NTM: variants seen among roughly 807,000 people sequenced by gnomAD.
NTM encodes the protein IgLON family member 2.
In NTM, 13 loss-of-function variants were observed where a neutral mutation model predicts 42.1. The ratio of observed to expected loss-of-function variants is 0.31; its 90% CI spans 0.20 to 0.49. The LOEUF (loss-of-function observed/expected upper bound fraction) is 0.49. Ranked by LOEUF, NTM falls within the 20% of genes least tolerant of loss-of-function variation. The pLI, the probability that NTM is intolerant of heterozygous loss-of-function variation, is 0.99. For synonymous variants in NTM, 187 were observed against 179.2 expected (o/e 1.04, Z -0.35); for missense variants, 373 against 452.8 (o/e 0.82, Z 1.60).
intron 4 of NTM, among the ~76,000 whole-genome samples, chr11:132,282,697 G>C (rs1000983734): frequency 6.6e-6 from 1 of 152,250 alleles, no homozygotes; most frequent in African/African-American, 2.4e-5. Context: ...AGTAGAAAGA[G>C]GAAGATGATT....
At chr11:132,326,995 T>C (rs750142823) in intron 7 of NTM, among the ~76,000 whole-genome samples, 5 of 152,224 alleles carry the variant, frequency 3.3e-5, no homozygotes, top group Non-Finnish European at 5.9e-5. Context: ...GGACTAGAAG[T>C]ATTTTGATAA....
At chr11:131,788,815 C>CT (rs1291215185) in intron 1 of NTM, among the ~76,000 whole-genome samples, 2 of 152,112 alleles carry the variant, frequency 1.3e-5, no homozygotes, top group Non-Finnish European at 2.9e-5. Context: ...AGCATTTAGA[C>CT]TTTTTTGGGG....
chr11:131,538,129 G>A (rs554255115), intron 1 of NTM: 1 of 152,306 alleles, frequency 6.6e-6, no homozygotes, highest in East Asian at 1.9e-4. Context: ...AAGGGAAGAG[G>A]AGAAAACAAC....
chr11:132,008,866 CTTTT>C (rs538607736), intron 2 of NTM, among the ~76,000 whole-genome samples: 1 of 137,654 alleles, frequency 7.3e-6, no homozygotes, highest in East Asian at 2.1e-4. Context: ...TCCTTGTTTT[CTTTT>C]TTTTTTTTCC....
At chr11:132,308,271 T>G (rs535231887) in intron 5 of NTM, among the ~76,000 whole-genome samples, 1 of 152,230 alleles carries the variant, frequency 6.6e-6, no homozygotes, top group Non-Finnish European at 1.5e-5. Context: ...TTATGGTATG[T>G]CTATTATATC....
At chr11:131,409,891 G>T (rs920133424) in intron 1 of NTM, among the ~76,000 whole-genome samples, 4 of 152,080 alleles carry the variant, frequency 2.6e-5, no homozygotes, top group African/African-American at 9.7e-5. Flanking sequence ...CCTGTAAAAA[G>T]GGCTAATCTT....
intron 1 of NTM, among the ~76,000 whole-genome samples, chr11:131,633,061 T>C (rs1019285056): frequency 2.0e-5 from 3 of 152,202 alleles, no homozygotes; most frequent in African/African-American, 7.2e-5. Context: ...TTTGCCATTC[T>C]AATCCACTTT....
At chr11:132,026,743 G>C (rs2075236189) in intron 2 of NTM, among the ~76,000 whole-genome samples, 1 of 152,146 alleles carries the variant, frequency 6.6e-6, no homozygotes, top group Non-Finnish European at 1.5e-5. Flanking sequence ...TTTGATTGGA[G>C]GAGAAGTGTT....
chr11:132,239,585 A>G (rs2089783497), intron 4 of NTM, among the ~76,000 whole-genome samples: 1 of 152,164 alleles, frequency 6.6e-6, no homozygotes, highest in East Asian at 1.9e-4. Context: ...GTGATTTAAT[A>G]TGTAATCTCA....
chr11:131,815,499 G>A (rs1413610594), intron 1 of NTM, among the ~76,000 whole-genome samples: 1 of 152,164 alleles, frequency 6.6e-6, no homozygotes, highest in Non-Finnish European at 1.5e-5. Flanking sequence ...ACTCAGTATG[G>A]ACTGGTAGAG....
At chr11:131,957,506 A>C (rs1309022207) in intron 2 of NTM, among the ~76,000 whole-genome samples, 2 of 152,162 alleles carry the variant, frequency 1.3e-5, no homozygotes, top group Non-Finnish European at 2.9e-5. Context: ...TAGCGCTAAG[A>C]TCATTCTGAA....
At chr11:132,193,879 A>G (rs533952955) in intron 3 of NTM, among the ~76,000 whole-genome samples, 1 of 152,282 alleles carries the variant, frequency 6.6e-6, no homozygotes, top group African/African-American at 2.4e-5. Context: ...AAATGGATAA[A>G]TTTCTGGAAA....
intron 1 of NTM, among the ~76,000 whole-genome samples, chr11:131,875,344 C>A (rs923790410): frequency 8.5e-5 from 13 of 152,196 alleles, no homozygotes; most frequent in Non-Finnish European, 1.5e-4. Flanking sequence ...AAGGCAGGAT[C>A]TGTGAATTGT....
chr11:131,718,553 C>G (rs1187881965), intron 1 of NTM, among the ~76,000 whole-genome samples: 3 of 152,296 alleles, frequency 2.0e-5, no homozygotes, highest in Non-Finnish European at 4.4e-5. Flanking sequence ...ATCCCTGGCC[C>G]CGTGTGAGTG....
At chr11:131,973,185 A>T (rs2063805317) in intron 2 of NTM, among the ~76,000 whole-genome samples, 1 of 152,178 alleles carries the variant, frequency 6.6e-6, no homozygotes. Flanking sequence ...CGCACAAGTG[A>T]AGTGGAAAAA....
Position 132,211,833 on chromosome 11 carries a change from TAGG to T in NTM, c.401-184_401-182del. On this transcript the variant is annotated intron_variant, in intron 3 of 8. Transcript: ENST00000683400. ...CGGACTCCCTGACTTTGTGTTTAAA[TAGG>T]AGGAAATCAAAGCTAAATTAAAGGT... 3 of 430,272 alleles carry T rather than the reference TAGG, an allele frequency of 7.0e-6. No homozygotes were observed. The East Asian group carries it at 1.4e-4, about 21-fold the overall frequency. The allele number at this position is 430,272 out of a possible 1,614,324, so 26.7% of individuals were successfully genotyped here.
intron 2 of NTM, among the ~76,000 whole-genome samples, chr11:131,933,705 A>G (rs1433638166): frequency 6.6e-6 from 1 of 152,026 alleles, no homozygotes; most frequent in Non-Finnish European, 1.5e-5. Flanking sequence ...CCCAAGCAGA[A>G]TAAGGAGAGG....
At chr11:132,068,516 G>C (rs780442308) in intron 2 of NTM, among the ~76,000 whole-genome samples, 1 of 152,166 alleles carries the variant, frequency 6.6e-6, no homozygotes, top group Non-Finnish European at 1.5e-5. Flanking sequence ...GGATTCGCTG[G>C]TAAAGACAAT....
At chr11:132,193,522 A>C (rs2079647547) in intron 3 of NTM, among the ~76,000 whole-genome samples, 1 of 152,146 alleles carries the variant, frequency 6.6e-6, no homozygotes. Context: ...CAGTGTTAAA[A>C]GGAAAGTTTA....
Sources: allele counts gnomAD v4.1 joint callset (sites outside exome capture counted in the v4.1 genomes callset), GRCh38; gene constraint gnomAD v4.1.1; transcripts MANE v1.5; gene names NCBI Gene and HGNC (gene_info 2026-07-23, HGNC 2026-07-21).